CD40: variants seen among roughly 807,000 people sequenced by gnomAD.
The protein encoded by CD40 is CD40 molecule.
In CD40, 19 loss-of-function variants were observed where a neutral mutation model predicts 38.5. The observed-to-expected ratio is 0.49, with a 90% CI of 0.34 to 0.72. The LOEUF is 0.72. Ranked by LOEUF, CD40 falls within the 30% of genes least tolerant of loss-of-function variation. CD40 has a pLI of 0.01. For missense variants in CD40, 256 were observed against 344.1 expected, an observed-to-expected ratio of 0.74 and a Z score of 2.03; for synonymous variants, 130 against 128.7, an observed-to-expected ratio of 1.01 and a Z score of -0.07.
intron 6 of CD40, 177 bp from the exon 7 acceptor site, chr20:46,127,961 G>A: frequency 5.7e-6 from 7 of 1,227,066 alleles, no homozygotes; most frequent in Non-Finnish European, 8.0e-6. Flanking sequence ...TTAAGAAAAT[G>A]TTCTGGCTCC....
intron 1 of CD40, among the ~76,000 whole-genome samples, chr20:46,118,821 T>G (rs1224781704): frequency 6.6e-6 from 1 of 152,186 alleles, no homozygotes; most frequent in Non-Finnish European, 1.5e-5. Flanking sequence ...CCTTGCCAGC[T>G]GGGGCTGCCT....
Position 46,129,342 on chromosome 20 carries a change from C to G in CD40, c.*302C>G, listed in dbSNP as rs555863322. On this transcript the variant is annotated 3_prime_UTR_variant, in exon 9 of 9. Transcript: ENST00000372285. Reference sequence around the variant, plus strand: ...TATGGTTTAGTAATATCCACCAGACCTTCCGATCCAGCAGTTTGGTGCCCA... The same window carrying G: ...TATGGTTTAGTAATATCCACCAGACGTTCCGATCCAGCAGTTTGGTGCCCA... The G allele has an allele frequency of 5.2e-5, 21 of 403,570 alleles. No individual in the cohort carries two copies. Among genetic ancestry groups the G allele is most frequent in the African/African-American group, 4.3e-4 (21 of 48,946 alleles). The allele number at this position is 403,570 out of a possible 1,614,324, so 25.0% of individuals were successfully genotyped here. A position where few individuals can be genotyped will look rare whatever the true frequency, so the allele number is the denominator to read the frequency against.
intron 1 of CD40, 148 bp downstream of exon 1, chr20:46,118,542 G>C: frequency 1.3e-6 from 1 of 784,740 alleles, no homozygotes. Flanking sequence ...CCCCGCTCCT[G>C]GCTGAATGGG....
chr20:46,122,289 G>C lies in CD40; in HGVS notation c.187G>C (p.Gly63Arg). Residue 63 changes from glycine (G) to arginine (R), a missense_variant, in exon 3 of 9, where the codon GGT (glycine) becomes CGT (arginine). By Grantham distance (125) the Gly-to-Arg change is moderately radical (BLOSUM62 -2). Coordinates refer to ENST00000372285, the MANE Select transcript of CD40 (RefSeq NM_001250.6). The surrounding 1 kb of genome is among the most constrained non-coding windows in gnomAD (Gnocchi z 5.0). Reference sequence around the variant, plus strand: ...CACTGAAACGGAATGCCTTCCTTGCGGTGAAAGCGAATTCCTAGACACCTG... The same window carrying C: ...CACTGAAACGGAATGCCTTCCTTGCCGTGAAAGCGAATTCCTAGACACCTG... ...EFTETECLPC[G>R]ESEFLDTWNR... The C allele has an allele frequency of 1.2e-6, 2 of 1,614,148 alleles. No homozygotes were observed. Among genetic ancestry groups the C allele is most frequent in the South Asian group, 1.1e-5 (1 of 91,068 alleles).
chr20:46,128,263 G>T, intron 7 of CD40, 39 bp downstream of exon 7: 1 of 1,611,808 alleles, frequency 6.2e-7, no homozygotes, highest in Non-Finnish European at 8.5e-7. Flanking sequence ...GGAGGGAGGG[G>T]AGACCACCTG....
At chr20:46,121,604 G>A in intron 1 of CD40, 1 of 610,554 alleles carries the variant, frequency 1.6e-6, no homozygotes, top group Non-Finnish European at 3.0e-6. Flanking sequence ...CCATTGCTTT[G>A]TAAAAATACC....
At chr20:46,123,331 T>A in intron 5 of CD40, 112 bp downstream of exon 5, 1 of 884,854 alleles carries the variant, frequency 1.1e-6, no homozygotes, top group Non-Finnish European at 1.9e-6. Context: ...CACACTCATG[T>A]ACTTGTGAAG....
intron 1 of CD40, among the ~76,000 whole-genome samples, chr20:46,120,659 G>A (rs1207926952): frequency 1.3e-5 from 2 of 152,190 alleles, no homozygotes; most frequent in African/African-American, 4.8e-5. Context: ...AACCAGCTGG[G>A]TTTTAATAAC....
intron 1 of CD40, among the ~76,000 whole-genome samples, chr20:46,119,497 G>A (rs2085276478): frequency 1.3e-5 from 2 of 152,198 alleles, no homozygotes; most frequent in Admixed American, 1.3e-4. Flanking sequence ...CCTTGTGGTA[G>A]GAGTGGAGAA....
chr20:46,126,273 C>A (rs11569329), intron 5 of CD40, among the ~76,000 whole-genome samples: 3 of 137,780 alleles, frequency 2.2e-5, no homozygotes, highest in Non-Finnish European at 4.6e-5. Context: ...CGTTGAGTAA[C>A]CCTATCTTAA....
chr20:46,128,463 C>G, intron 8 of CD40, 105 bp downstream of exon 8: 4 of 1,267,334 alleles, frequency 3.2e-6, no homozygotes, highest in Non-Finnish European at 4.6e-6. Flanking sequence ...GTCTCTGCAG[C>G]CAGTGGGGTG....
At position 46,122,316 on chromosome 20, in the gene CD40, A is replaced by C; in HGVS notation, c.214A>C (p.Asn72His). The change falls in exon 3 of 9, where the codon AAC becomes CAC. Residue 72 changes from asparagine to histidine, a missense_variant. Physicochemically the swap from Asn to His is moderately conservative, Grantham distance 68. Transcript: ENST00000372285. This position sits in a 1 kb window ranked among gnomAD's most constrained non-coding sequence, Gnocchi z 5.0. Reference protein sequence around the residue: ...CGESEFLDTWNRETHCHQHKY... With the variant: ...CGESEFLDTWHRETHCHQHKY... ...TGAAAGCGAATTCCTAGACACCTGGAACAGAGAGACACACTGCCACCAGCA... is the reference window on the plus strand; with the variant it reads ...TGAAAGCGAATTCCTAGACACCTGGCACAGAGAGACACACTGCCACCAGCA... 1 of 1,614,174 alleles carries C rather than the reference A, an allele frequency of 6.2e-7. No individual in the cohort carries two copies. Among genetic ancestry groups the C allele is most frequent in the Non-Finnish European group, 8.5e-7 (1 of 1,180,034 alleles).
chr20:46,121,171 G>A (rs1437869667), intron 1 of CD40, among the ~76,000 whole-genome samples: 2 of 152,222 alleles, frequency 1.3e-5, no homozygotes, highest in Non-Finnish European at 2.9e-5. Context: ...ATGGAGAGAG[G>A]AGCATTGAGA....
At chr20:46,127,156 G>A (rs11548653) in intron 6 of CD40, 47 of 168,314 alleles carry the variant, frequency 2.8e-4, no homozygotes, top group African/African-American at 6.5e-4. Flanking sequence ...TTAAAAAAAC[G>A]AAAAATACAT....
rs1484939625 is a variant in CD40, at chr20:46,123,718, C to T, written c.497+499C>T. Among the ~76,000 whole-genome samples the T allele has an allele frequency of 1.3e-5, 2 of 151,670 alleles. 1 individual carries two copies. Among genetic ancestry groups the T allele is most frequent in the East Asian group, 3.9e-4 (2 of 5,194 alleles). Reference sequence around the variant, plus strand: ...CTCATCACTGTGGTCTGGGTGATGCCTTTTCTGCCTCCTGGCCTCCCTGCC... The same window carrying T: ...CTCATCACTGTGGTCTGGGTGATGCTTTTTCTGCCTCCTGGCCTCCCTGCC... On this transcript the variant is annotated intron_variant, in intron 5 of 8. Transcript: ENST00000372285.
chr20:46,124,653 G>T, intron 5 of CD40, among the ~76,000 whole-genome samples: 1 of 144,886 alleles, frequency 6.9e-6, no homozygotes, highest in Non-Finnish European at 1.5e-5. Flanking sequence ...TTCTTCCATT[G>T]ATACATCCCC....
Position 46,122,533 on chromosome 20 carries a change from A to T in CD40, c.257-77A>T, listed in dbSNP as rs965456115. 1 of 1,601,186 alleles carries T rather than the reference A, an allele frequency of 6.2e-7. No homozygotes were observed. ...TTGGAAGAGGGTCTGAGGAAGAAAG[A>T]GCAGGCAATGTGGGGAGTGAGGCTC... On this transcript the variant is annotated intron_variant, in intron 3 of 8. Transcript: ENST00000372285. The surrounding 1 kb of genome is among the most constrained non-coding windows in gnomAD (Gnocchi z 5.0).
In CD40 at chr20:46,129,318, A is replaced by G. The variant is rs537564344; in HGVS notation, c.*278A>G. The G allele has an allele frequency of 2.4e-5, 11 of 461,946 alleles. No individual in the cohort carries two copies. The highest frequency in any genetic ancestry group is 1.8e-4 in the East Asian group (4 of 22,630). 28.6% of individuals were successfully genotyped at this position (461,946 alleles called of 1,614,324 possible). A position where few individuals can be genotyped will look rare whatever the true frequency, so the allele number is the denominator to read the frequency against. Reference sequence around the variant, plus strand: ...AGTTTGGTGGTGGTGGTGTTGGGGTATGGTTTAGTAATATCCACCAGACCT... The same window carrying G: ...AGTTTGGTGGTGGTGGTGTTGGGGTGTGGTTTAGTAATATCCACCAGACCT... On this transcript the variant is annotated 3_prime_UTR_variant, in exon 9 of 9. Coordinates refer to ENST00000372285, the MANE Select transcript of CD40 (RefSeq NM_001250.6).
chr20:46,121,580 G>T (rs2085318350), intron 1 of CD40: 1 of 553,332 alleles, frequency 1.8e-6, no homozygotes, highest in Admixed American at 2.7e-5. Context: ...AGAGAATATT[G>T]TGAGTTTACA....
Sources: allele counts gnomAD v4.1 joint callset (sites outside exome capture counted in the v4.1 genomes callset), GRCh38; gene constraint gnomAD v4.1.1; non-coding constraint Gnocchi (gnomAD v3.1); transcripts MANE v1.5; gene names NCBI Gene and HGNC (gene_info 2026-07-23, HGNC 2026-07-21).